TBC1D2B: variants seen among roughly 807,000 people sequenced by gnomAD.
TBC1D2B encodes TBC1 domain family, member 2B.
Under a neutral mutation model 100.8 loss-of-function variants are expected in TBC1D2B, and 64 were observed. The observed-to-expected ratio is 0.64, with a 90% CI of 0.52 to 0.78. The LOEUF is 0.78. Among genes scored for constraint, TBC1D2B ranks in the 30% least tolerant of loss-of-function variants. TBC1D2B has a pLI of 0.00. For synonymous variants in TBC1D2B, 480 were observed against 479.7 expected, an observed-to-expected ratio of 1.00 and a Z score of -0.01; for missense variants, 1,052 against 1,218.4, an observed-to-expected ratio of 0.86 and a Z score of 2.03.
At chr15:78,002,256 C>A (rs1338997503) in intron 11 of TBC1D2B, among the ~76,000 whole-genome samples, 2 of 152,164 alleles carry the variant, frequency 1.3e-5, no homozygotes, top group Non-Finnish European at 2.9e-5. Context: ...GCAATCTTGG[C>A]TCACTGCAAC....
chr15:78,071,371 C>CTATACTCA (rs1411563638), intron 1 of TBC1D2B, among the ~76,000 whole-genome samples: 2 of 152,162 alleles, frequency 1.3e-5, no homozygotes. Flanking sequence ...TAAAACACAG[C>CTATACTCA]TATACTCATT....
intron 9 of TBC1D2B, among the ~76,000 whole-genome samples, chr15:78,009,766 A>G (rs2072170469): frequency 6.6e-6 from 1 of 152,142 alleles, no homozygotes. Flanking sequence ...CGAGGTCAGG[A>G]GATTGAGACC....
intron 1 of TBC1D2B, among the ~76,000 whole-genome samples, chr15:78,060,762 C>T (rs933759423): frequency 6.6e-6 from 1 of 151,458 alleles, no homozygotes; most frequent in Non-Finnish European, 1.5e-5. Flanking sequence ...ATTAAAAATA[C>T]CAAAATTAGC....
chr15:78,000,807 C>T (rs1038654296), intron 12 of TBC1D2B, among the ~76,000 whole-genome samples: 1 of 152,208 alleles, frequency 6.6e-6, no homozygotes, highest in African/African-American at 2.4e-5. Context: ...CCTCCCAGGC[C>T]AGAAACTCAG....
chr15:78,011,199 CCA>C (rs2072213769), intron 9 of TBC1D2B, among the ~76,000 whole-genome samples: 1 of 152,198 alleles, frequency 6.6e-6, no homozygotes, highest in African/African-American at 2.4e-5. Context: ...ATCCTCACCA[CCA>C]CAGAGACAAT....
chr15:78,009,053 T>C lies in TBC1D2B; in HGVS notation c.2332A>G (p.Ile778Val), dbSNP rs1160857416. 6.8e-6 allele frequency: 11 copies of C among 1,609,074 alleles called. No homozygotes were observed. Among genetic ancestry groups the C allele is most frequent in the South Asian group, 2.2e-5 (2 of 89,750 alleles). Residue 778 changes from isoleucine (I) to valine (V), a missense_variant, in exon 10 of 13, where the codon ATA becomes GTA. Ile to Val is a conservative substitution (Grantham distance 29, BLOSUM62 3). This residue lies in a region of TBC1D2B where 373 missense variants were observed against 464.9 expected (regional missense o/e 0.80). Transcript: ENST00000300584. The stretch of plus-strand genomic sequence containing the variant: ...TCTCGAGGCATGAAAACTTCCACTA[T>C]GGTAACGAGACACCAGAAAGCATCT... ...QEDAFWCLVTIVEVFMPRDYY... is the reference protein window; with the variant it reads ...QEDAFWCLVTVVEVFMPRDYY...
chr15:78,024,160 A>C lies in TBC1D2B; in HGVS notation c.1466T>G (p.Leu489Arg). ...VARDQLELDRLKDNLQGYKTQ... is the reference protein window; with the variant it reads ...VARDQLELDRRKDNLQGYKTQ... ...GAGCCCCTGCCCCACTCTTACTTTC[A>C]GCCTGTCCAGTTCCAGCTGGTCCCT... Residue 489 changes from leucine (L) to arginine (R), a missense_variant, in exon 6 of 13, where the codon CTG becomes CGG. Physicochemically the swap from Leu to Arg is moderately radical, Grantham distance 102 (BLOSUM62 -2). Around this residue, in one of 4 missense-constraint regions of TBC1D2B, gnomAD observed 627 missense variants for 646.1 expected, o/e 0.97. Coordinates refer to ENST00000300584, the MANE Select transcript of TBC1D2B (RefSeq NM_144572.2). 1 of 1,610,476 alleles carries C rather than the reference A, an allele frequency of 6.2e-7. No homozygotes were observed. The highest frequency in any genetic ancestry group is 8.5e-7 in the Non-Finnish European group (1 of 1,178,202).
chr15:78,036,186 T>C (rs184778246), intron 3 of TBC1D2B, among the ~76,000 whole-genome samples: 10 of 152,322 alleles, frequency 6.6e-5, no homozygotes, highest in Admixed American at 4.6e-4. Flanking sequence ...TTCTGGGAAG[T>C]GGACTTAAAA....
chr15:78,000,049 G>A (rs1365396641), intron 12 of TBC1D2B, among the ~76,000 whole-genome samples: 15 of 152,212 alleles, frequency 9.9e-5, no homozygotes, highest in South Asian at 2.1e-4. Context: ...CTAGTCTGGG[G>A]AGCTCATTAA....
In TBC1D2B at chr15:77,998,450, G is replaced by C. The variant is rs1460459530; in HGVS notation, c.2697-95C>G. On this transcript the variant is annotated intron_variant, in intron 12 of 12. Transcript: ENST00000300584. ...AGGCATAGCAGGTGGCCTGGGGCAG[G>C]GTGGGAAGAGCGCTGGCCAGGCTTG... 3.3e-6 allele frequency: 4 copies of C among 1,210,790 alleles called. No homozygotes were observed. The African/African-American group carries it at 6.1e-5, about 19-fold the overall frequency. 75.0% of individuals were successfully genotyped at this position (1,210,790 alleles called of 1,614,324 possible). A position where few individuals can be genotyped will look rare whatever the true frequency, so the allele number is the denominator to read the frequency against.
chr15:78,006,997 A>C (rs1033921719), intron 10 of TBC1D2B, among the ~76,000 whole-genome samples: 5 of 152,230 alleles, frequency 3.3e-5, no homozygotes, highest in African/African-American at 1.2e-4. Flanking sequence ...CCTGCACCCG[A>C]GCAGCGGGAA....
In TBC1D2B at chr15:77,996,314, C is replaced by T. The variant is rs2071755089; in HGVS notation, c.*1846G>A. 1 of 152,144 alleles carries T rather than the reference C, an allele frequency of 6.6e-6. No individual in the cohort carries two copies. Among genetic ancestry groups the T allele is most frequent in the Non-Finnish European group, 1.5e-5 (1 of 68,052 alleles). The allele number at this position is 152,144 out of a possible 1,614,324, so 9.4% of individuals were successfully genotyped here. A position where few individuals can be genotyped will look rare whatever the true frequency, so the allele number is the denominator to read the frequency against. ...ACATGGCAGTGTGTGCTGGCATGTT[C>T]CAGGGGCCATTGGCTCGGAAAGTAA... On this transcript the variant is annotated 3_prime_UTR_variant, in exon 13 of 13. Coordinates refer to ENST00000300584, the MANE Select transcript of TBC1D2B (RefSeq NM_144572.2).
intron 3 of TBC1D2B, among the ~76,000 whole-genome samples, chr15:78,033,743 A>C (rs575080322): frequency 6.6e-6 from 1 of 152,202 alleles, no homozygotes; most frequent in Non-Finnish European, 1.5e-5. Context: ...TCTGAGGTGG[A>C]TTAAAGGAAA....
chr15:78,039,158 C>T (rs1328981250), intron 3 of TBC1D2B, among the ~76,000 whole-genome samples: 1 of 152,234 alleles, frequency 6.6e-6, no homozygotes, highest in East Asian at 1.9e-4. Flanking sequence ...CCTTGTCTTT[C>T]TTGGCAGACA....
intron 12 of TBC1D2B, among the ~76,000 whole-genome samples, chr15:78,001,243 G>A (rs934155652): frequency 4.7e-4 from 71 of 152,140 alleles, no homozygotes; most frequent in African/African-American, 1.6e-3. Context: ...TGGATCAAAC[G>A]ATGCGCAACA....
At chr15:78,024,134 A>G (rs948338759) in intron 6 of TBC1D2B, 22 bp downstream of exon 6, 5 of 1,589,564 alleles carry the variant, frequency 3.1e-6, no homozygotes, top group Admixed American at 3.4e-5. Context: ...GCCAATCACC[A>G]GAGCCCCTGC....
chr15:78,024,940 G>C (rs755193075), intron 5 of TBC1D2B, among the ~76,000 whole-genome samples: 1 of 152,222 alleles, frequency 6.6e-6, no homozygotes, highest in Non-Finnish European at 1.5e-5. Flanking sequence ...GACTGTTAAA[G>C]AACTCTGGGC....
Position 78,030,125 on chromosome 15 carries a change from A to G in TBC1D2B, c.729T>C (p.Ser243=), listed in dbSNP as rs1452139495. The change falls in exon 4 of 13, where the codon AGT becomes AGC. Residue 243 remains serine (S), a synonymous_variant. Coordinates refer to ENST00000300584, the MANE Select transcript of TBC1D2B (RefSeq NM_144572.2). ...SFRPGRGHND[S]RRTVFYTNEE... ...CATTGGTATAAAACACAGTCCTCCG[A>G]CTATCATTATGTCCTCTCCCAGGAC... 6.2e-7 allele frequency: 1 copy of G among 1,613,820 alleles called. No individual in the cohort carries two copies. The highest frequency in any genetic ancestry group is 1.1e-5 in the South Asian group (1 of 91,058).
At chr15:78,049,632 C>A (rs1039881973) in intron 2 of TBC1D2B, among the ~76,000 whole-genome samples, 1 of 152,120 alleles carries the variant, frequency 6.6e-6, no homozygotes, top group Non-Finnish European at 1.5e-5. Context: ...CCATTCACAG[C>A]CACATCAATC....
Sources: allele counts gnomAD v4.1 joint callset (sites outside exome capture counted in the v4.1 genomes callset), GRCh38; gene constraint gnomAD v4.1.1; regional missense constraint gnomAD v4.1.1; transcripts MANE v1.5; gene names NCBI Gene and HGNC (gene_info 2026-07-23, HGNC 2026-07-21).